GRM5: variants seen among roughly 807,000 people sequenced by gnomAD.
GRM5 encodes metabotropic glutamate receptor 5.
Under a neutral mutation model 83.1 loss-of-function variants are expected in GRM5, and 19 were observed. The observed-to-expected ratio is 0.23, with a 90% CI of 0.16 to 0.34. GRM5 has a LOEUF of 0.34. Among genes scored for constraint, GRM5 ranks in the 10% least tolerant of loss-of-function variants. GRM5 has a pLI of 1.00. For synonymous variants in GRM5, 675 were observed against 633.6 expected, an observed-to-expected ratio of 1.07 and a Z score of -0.98; for missense variants, 1,160 against 1,588.3, an observed-to-expected ratio of 0.73 and a Z score of 4.58.
At chr11:88,723,942 G>A (rs1941610363) in intron 3 of GRM5, among the ~76,000 whole-genome samples, 1 of 152,064 alleles carries the variant, frequency 6.6e-6, no homozygotes, top group African/African-American at 2.4e-5. Context: ...ATGTACTGCT[G>A]GGGATTGGGC....
chr11:89,026,476 G>A (rs910654553), intron 2 of GRM5, among the ~76,000 whole-genome samples: 3 of 152,188 alleles, frequency 2.0e-5, no homozygotes, highest in Non-Finnish European at 4.4e-5. Flanking sequence ...ATAGCATGGT[G>A]TAATAGAAAG....
At chr11:88,788,790 A>G (rs781480173) in intron 3 of GRM5, among the ~76,000 whole-genome samples, 1 of 152,214 alleles carries the variant, frequency 6.6e-6, no homozygotes, top group African/African-American at 2.4e-5. Flanking sequence ...ATTAAATTGT[A>G]TATGGAAAGC....
chr11:88,757,053 C>T (rs1024201096), intron 3 of GRM5, among the ~76,000 whole-genome samples: 7 of 152,054 alleles, frequency 4.6e-5, no homozygotes, highest in South Asian at 4.2e-4. Context: ...ATAAGTGGCT[C>T]ATCACATGCA....
rs1244450733 is a variant in GRM5 at position 88,970,515 on chromosome 11, C to T, written c.661+76697G>A. Among the ~76,000 whole-genome samples the T allele has an allele frequency of 2.0e-5, 3 of 152,294 alleles. No individual in the cohort carries two copies. In the East Asian group the frequency reaches 5.8e-4, roughly 29 times the overall value. Reference sequence around the variant, plus strand: ...GCTAAAAAGGAAGCTGAAATGGAGCCTTACTCTGTACATAGGAAGAAGAAA... The same window carrying T: ...GCTAAAAAGGAAGCTGAAATGGAGCTTTACTCTGTACATAGGAAGAAGAAA... On this transcript the variant is annotated intron_variant, in intron 2 of 9. Transcript: ENST00000305447.
At chr11:88,605,168 T>A (rs1938107812) in intron 4 of GRM5, among the ~76,000 whole-genome samples, 1 of 152,124 alleles carries the variant, frequency 6.6e-6, no homozygotes, top group Admixed American at 6.5e-5. Context: ...CTTCCAAAAC[T>A]CTGAAAAAAG....
chr11:88,747,932 C>G (rs533145587), intron 3 of GRM5, among the ~76,000 whole-genome samples: 8 of 152,058 alleles, frequency 5.3e-5, no homozygotes, highest in Non-Finnish European at 1.0e-4. Flanking sequence ...TCAGCACCTT[C>G]GACTGAAATA....
At chr11:88,726,381 G>A (rs1480517687) in intron 3 of GRM5, among the ~76,000 whole-genome samples, 1 of 152,114 alleles carries the variant, frequency 6.6e-6, no homozygotes, top group Non-Finnish European at 1.5e-5. Context: ...AAGATATATG[G>A]GACTATGTGA....
At chr11:89,057,872 G>A (rs1397042833) in intron 1 of GRM5, among the ~76,000 whole-genome samples, 1 of 152,006 alleles carries the variant, frequency 6.6e-6, no homozygotes, top group Non-Finnish European at 1.5e-5. Context: ...GTTAAATAAT[G>A]TATAATAATT....
At chr11:88,799,688 C>G (rs1180532388) in intron 3 of GRM5, among the ~76,000 whole-genome samples, 1 of 152,076 alleles carries the variant, frequency 6.6e-6, no homozygotes, top group Non-Finnish European at 1.5e-5. Context: ...TATATGGCCC[C>G]CAGTCTCGAG....
At position 88,846,213 on chromosome 11, in the gene GRM5, A is replaced by G. The variant is rs1350789995; in HGVS notation, c.911+3693T>C. Reference sequence around the variant, plus strand: ...AATTTGCTAAAAACTAGTTGTTTCCAAGTCTTATTTAAATTTCTAACTTTT... The same window carrying G: ...AATTTGCTAAAAACTAGTTGTTTCCGAGTCTTATTTAAATTTCTAACTTTT... On this transcript the variant is annotated intron_variant, in intron 3 of 9. Transcript: ENST00000305447. 3.3e-5 allele frequency among the ~76,000 whole-genome samples: 5 copies of G among 152,348 alleles called. No individual in the cohort carries two copies. In the East Asian group the frequency reaches 7.7e-4, roughly 24 times the overall value.
intron 3 of GRM5, among the ~76,000 whole-genome samples, chr11:88,775,553 T>C (rs1028526412): frequency 2.6e-5 from 4 of 152,344 alleles, no homozygotes; most frequent in Admixed American, 2.6e-4. Context: ...TTTAGATCTT[T>C]CCTGCTTTCT....
chr11:88,648,322 C>T (rs1435299815), intron 4 of GRM5, among the ~76,000 whole-genome samples: 3 of 148,134 alleles, frequency 2.0e-5, no homozygotes, highest in African/African-American at 7.4e-5. Flanking sequence ...ACTCTGCAGC[C>T]ATAAAAAATG....
intron 4 of GRM5, among the ~76,000 whole-genome samples, chr11:88,625,255 C>A (rs907742999): frequency 1.4e-4 from 22 of 152,160 alleles, no homozygotes; most frequent in African/African-American, 4.8e-4. Context: ...AATGGCCAGG[C>A]TTGCCTCCAG....
At chr11:88,918,887 A>G (rs940967105) in intron 2 of GRM5, among the ~76,000 whole-genome samples, 1 of 151,824 alleles carries the variant, frequency 6.6e-6, no homozygotes, top group Non-Finnish European at 1.5e-5. Flanking sequence ...CCTAAAAAAT[A>G]TAAAAACACA....
chr11:88,653,519 G>A (rs756726995), intron 3 of GRM5, 116 bp from the exon 4 acceptor site: 1 of 644,960 alleles, frequency 1.6e-6, no homozygotes, highest in African/African-American at 1.8e-5. Context: ...GCCCCATGAT[G>A]GTCCTATATT....
intron 3 of GRM5, among the ~76,000 whole-genome samples, chr11:88,842,093 G>A (rs1471030765): frequency 6.6e-6 from 1 of 152,096 alleles, no homozygotes; most frequent in Non-Finnish European, 1.5e-5. Context: ...GTGCACAAAA[G>A]TTTTGATAAA....
chr11:88,605,576 G>A (rs1938118419), intron 4 of GRM5, among the ~76,000 whole-genome samples: 1 of 152,106 alleles, frequency 6.6e-6, no homozygotes, highest in Non-Finnish European at 1.5e-5. Flanking sequence ...ACAAAGCTGT[G>A]TAATTTATCA....
At chr11:88,608,310 G>A (rs1240590347) in intron 4 of GRM5, among the ~76,000 whole-genome samples, 2 of 152,006 alleles carry the variant, frequency 1.3e-5, no homozygotes, top group Non-Finnish European at 2.9e-5. Context: ...ACTTTACTCA[G>A]GCATAATCCT....
rs1159251814 is a variant in GRM5, at chr11:88,506,416, A to G, written c.*2176T>C. 1 of 152,232 alleles carries G rather than the reference A, an allele frequency of 6.6e-6. No homozygotes were observed. The highest frequency in any genetic ancestry group is 2.4e-5 in the African/African-American group (1 of 41,466). 9.4% of individuals were successfully genotyped at this position (152,232 alleles called of 1,614,324 possible). A position where few individuals can be genotyped will look rare whatever the true frequency, so the allele number is the denominator to read the frequency against. ...TAATACCTAAGAAGTCAAGATAGGA[A>G]TCCTCAGGTGAATGCCATCCTTTTG... On this transcript the variant is annotated 3_prime_UTR_variant, in exon 10 of 10. Transcript: ENST00000305447.
Sources: allele counts gnomAD v4.1 joint callset (sites outside exome capture counted in the v4.1 genomes callset), GRCh38; gene constraint gnomAD v4.1.1; transcripts MANE v1.5; gene names NCBI Gene and HGNC (gene_info 2026-07-23, HGNC 2026-07-21).